Variants in DMXL1 observed in about 807,000 individuals in gnomAD.
DMXL1 encodes Dmx like 1.
DMXL1 carries 99 observed loss-of-function variants against 319.2 expected under a neutral mutation model. The observed-to-expected ratio is 0.31, with a 90% CI of 0.26 to 0.37. The LOEUF is 0.37. Ranked by LOEUF, DMXL1 falls within the 10% of genes least tolerant of loss-of-function variation. The probability of loss-of-function intolerance (pLI) is 1.00; values close to 1 mark genes in which losing one functional copy is unlikely to be tolerated. For synonymous variants in DMXL1, 1,385 were observed against 1,235.2 expected, an observed-to-expected ratio of 1.12 and a Z score of -2.54; for missense variants, 3,745 against 3,595.6, an observed-to-expected ratio of 1.04 and a Z score of -1.06.
chr5:119,170,031 T>G (rs1030444622), intron 23 of DMXL1, among the ~76,000 whole-genome samples, 159 bp from the exon 24 acceptor site: 2 of 152,194 alleles, frequency 1.3e-5, no homozygotes, highest in Non-Finnish European at 2.9e-5. Flanking sequence ...TATAAATGTG[T>G]TGTTGTCTCT....
rs1757384460 is a variant in DMXL1, at chr5:119,101,993, A to G, written c.272A>G (p.Gln91Arg). 1 of 1,600,940 alleles carries G rather than the reference A, an allele frequency of 6.2e-7. No homozygotes were observed. The highest frequency in any genetic ancestry group is 2.2e-5 in the East Asian group (1 of 44,636). Residue 91 changes from glutamine to arginine, a missense_variant, in exon 3 of 44, where the codon CAA becomes CGA. By Grantham distance (43) the Gln-to-Arg change is conservative. Transcript: ENST00000539542. ...TTTGAACCAGTTAACCTACCAAAAC[A>G]AAAGAAAAATTTGGTCAGTAATTTA... ...SIFEPVNLPK[Q>R]KKNLELYSQW...
intron 19 of DMXL1, among the ~76,000 whole-genome samples, chr5:119,161,207 T>C (rs1772193400): frequency 6.6e-6 from 1 of 152,164 alleles, no homozygotes; most frequent in Admixed American, 6.5e-5. Flanking sequence ...GGCCCCTGCC[T>C]TTAGGTTCTG....
chr5:119,111,997 G>C (rs1759722769), intron 5 of DMXL1, among the ~76,000 whole-genome samples: 1 of 151,436 alleles, frequency 6.6e-6, no homozygotes, highest in African/African-American at 2.4e-5. Context: ...GTCTCGCTCT[G>C]TCGCCCAGCC....
chr5:119,079,584 A>G (rs952511661), intron 1 of DMXL1, among the ~76,000 whole-genome samples: 1 of 152,136 alleles, frequency 6.6e-6, no homozygotes, highest in Non-Finnish European at 1.5e-5. Flanking sequence ...AACTCACTAT[A>G]CTTTGGCAGC....
chr5:119,082,415 C>G (rs1484213627), intron 1 of DMXL1, among the ~76,000 whole-genome samples: 1 of 152,116 alleles, frequency 6.6e-6, no homozygotes, highest in Non-Finnish European at 1.5e-5. Context: ...GCTGGGACGA[C>G]AGGCATGTCC....
At chr5:119,136,984 C>G (rs1766147490) in intron 13 of DMXL1, among the ~76,000 whole-genome samples, 1 of 152,214 alleles carries the variant, frequency 6.6e-6, no homozygotes, top group African/African-American at 2.4e-5. Flanking sequence ...CATCATCCTC[C>G]AGACCCCAAA....
At chr5:119,127,928 C>T (rs1426823574) in intron 9 of DMXL1, 1 of 373,592 alleles carries the variant, frequency 2.7e-6, no homozygotes, top group African/African-American at 2.1e-5. Flanking sequence ...GCTTCATAAA[C>T]TTAGTATCAA....
chr5:119,183,834 TATTC>T (rs1777209477), intron 28 of DMXL1, among the ~76,000 whole-genome samples: 3 of 152,218 alleles, frequency 2.0e-5, no homozygotes, highest in South Asian at 2.1e-4. Context: ...AAAAGTGTTC[TATTC>T]ATTCATTTTA....
Position 119,071,356 on chromosome 5 carries a change from C to G in DMXL1, c.-214C>G. The G allele has an allele frequency of 1.8e-6, 1 of 548,348 alleles. No homozygotes were observed. The highest frequency in any genetic ancestry group is 3.2e-6 in the Non-Finnish European group (1 of 313,256). 34.0% of individuals were successfully genotyped at this position (548,348 alleles called of 1,614,324 possible). On this transcript the variant is annotated 5_prime_UTR_variant, in exon 1 of 44. Coordinates refer to ENST00000539542, the MANE Select transcript of DMXL1 (RefSeq NM_001290321.3). ...GCGCGAAGGAGCGCGGCGCTCCGCC[C>G]TCTCGCCGACCCGCCCCCTCCGGGC...
At chr5:119,217,471 C>T (rs915194645) in intron 35 of DMXL1, among the ~76,000 whole-genome samples, 4 of 152,122 alleles carry the variant, frequency 2.6e-5, no homozygotes, top group Admixed American at 2.6e-4. Flanking sequence ...ATACACTCCT[C>T]ACAGAAGAGG....
chr5:119,224,547 C>T (rs993522132), intron 37 of DMXL1, among the ~76,000 whole-genome samples, 162 bp from the exon 38 acceptor site: 1 of 151,930 alleles, frequency 6.6e-6, no homozygotes, highest in Non-Finnish European at 1.5e-5. Context: ...AAGAGCTGCA[C>T]TATTAAATTT....
At chr5:119,192,655 A>G (rs1016401356) in intron 29 of DMXL1, among the ~76,000 whole-genome samples, 4 of 152,292 alleles carry the variant, frequency 2.6e-5, no homozygotes, top group African/African-American at 9.6e-5. Context: ...ATCATTCAAC[A>G]TTCTTCACTA....
chr5:119,117,414 C>G (rs1761087726), intron 7 of DMXL1, among the ~76,000 whole-genome samples: 1 of 152,062 alleles, frequency 6.6e-6, no homozygotes, highest in Admixed American at 6.6e-5. Flanking sequence ...TAGCTTTTCA[C>G]TGTTCTATGA....
At chr5:119,109,223 CCTT>C (rs1759032395) in intron 4 of DMXL1, among the ~76,000 whole-genome samples, 2 of 152,166 alleles carry the variant, frequency 1.3e-5, no homozygotes, top group Non-Finnish European at 2.9e-5. Flanking sequence ...GTATTTTTAA[CCTT>C]CTTTGTATAC....
chr5:119,244,711 A>G (rs938944858), intron 43 of DMXL1, 135 bp downstream of exon 43: 5 of 565,798 alleles, frequency 8.8e-6, no homozygotes, highest in African/African-American at 1.9e-5. Flanking sequence ...GCTAATTGCT[A>G]TTTAATCTTT....
At chr5:119,173,776 G>GTATATATATATATATAAATATATA in intron 25 of DMXL1, among the ~76,000 whole-genome samples, 1 of 67,172 alleles carries the variant, frequency 1.5e-5, no homozygotes, top group Non-Finnish European at 2.9e-5. Flanking sequence ...ATGTGTGTGT[G>GTATATATATATATATAAATATATA]TATATATATA....
Position 119,118,942 on chromosome 5 carries a change from A to G in DMXL1, c.871A>G (p.Asn291Asp). The change falls in exon 8 of 44, where the codon AAT (asparagine) becomes GAT (aspartate). Residue 291 changes from asparagine to aspartate, a missense_variant. This residue lies in a region of DMXL1 where 2,096 missense variants were observed against 1,985.4 expected (regional missense o/e 1.06). Transcript: ENST00000539542. ...GDCSHWTESI[N>D]LTNNFKRNAS... ...CTGCAGCCATTGGACTGAATCAATT[A>G]ATTTAACAAATAACTTCAAGAGAAA... 1 of 1,613,614 alleles carries G rather than the reference A, an allele frequency of 6.2e-7. No individual in the cohort carries two copies. The highest frequency in any genetic ancestry group is 8.5e-7 in the Non-Finnish European group (1 of 1,179,860).
chr5:119,212,920 C>G (rs1413002171), intron 34 of DMXL1, among the ~76,000 whole-genome samples: 2 of 152,144 alleles, frequency 1.3e-5, no homozygotes, highest in African/African-American at 4.8e-5. Context: ...CAGTCACTTG[C>G]AAACATCCTT....
rs111332237 is a variant in DMXL1, at chr5:119,170,484, T to C, written c.5693T>C (p.Leu1898Pro). Residue 1898 changes from leucine (L) to proline (P), a missense_variant, in exon 24 of 44, where the codon CTG (leucine) becomes CCG (proline). Physicochemically the swap from Leu to Pro is moderately conservative, Grantham distance 98. Around this residue, in one of 4 missense-constraint regions of DMXL1, gnomAD observed 1,382 missense variants for 1,269.5 expected, o/e 1.09. Coordinates refer to ENST00000539542, the MANE Select transcript of DMXL1 (RefSeq NM_001290321.3). ...TRPFYRASSF[L>P]DTSKDCSPSS... ...CCTTTTTATAGGGCTTCTAGTTTTC[T>C]GGATACTAGTAAAGACTGTTCTCCT... 722 of 1,613,784 alleles carry C rather than the reference T, an allele frequency of 4.5e-4. 1 individual carries two copies. In the African/African-American group the frequency reaches 7.9e-3, roughly 18 times the overall value.
Sources: gnomAD v4.1 joint callset for allele counts (sites outside exome capture counted in the v4.1 genomes callset) on GRCh38, gnomAD v4.1.1 for gene constraint, gnomAD v4.1.1 regional missense constraint, MANE v1.5 for transcripts, NCBI Gene and HGNC (gene_info 2026-07-23, HGNC 2026-07-21) for gene names.